The following MID1 variants were observed in gnomAD, a reference collection of about 807,000 sequenced individuals.
The protein encoded by MID1 is E3 ubiquitin-protein ligase Midline-1.
MID1 carries 7 observed loss-of-function variants against 40.4 expected under a neutral mutation model. The ratio of observed to expected loss-of-function variants is 0.17; its 90% confidence interval spans 0.10 to 0.33. The LOEUF (loss-of-function observed/expected upper bound fraction) is 0.33. Among genes scored for constraint, MID1 ranks in the 10% least tolerant of loss-of-function variants. The pLI, the probability that MID1 is intolerant of heterozygous loss-of-function variation, is 1.00. For missense variants in MID1, 367 were observed against 558.5 expected, an observed-to-expected ratio of 0.66 and a Z score of 3.46; for synonymous variants, 229 against 221.2, an observed-to-expected ratio of 1.04 and a Z score of -0.31.
chrX:10,750,249 G>A (rs1380425909), intron 1 of MID1, among the ~76,000 whole-genome samples: 2 of 111,222 alleles, frequency 1.8e-5, no homozygotes, highest in Non-Finnish European at 1.9e-5. Flanking sequence ...TCTCTAATGT[G>A]AGCTTAGAAA....
At chrX:10,668,274 T>C in intron 1 of MID1, among the ~76,000 whole-genome samples, 1 of 112,324 alleles carries the variant, frequency 8.9e-6, no homozygotes. Flanking sequence ...ATAAAATAAA[T>C]TATTCATGTC....
At position 10,680,378 on chromosome X, in the gene MID1, T is replaced by C. The variant is rs764903301; in HGVS notation, c.-186-59959A>G. The stretch of plus-strand genomic sequence containing the variant: ...ATCTGGGGATTATATTTGACAAATA[T>C]GGAAGCAGACTTCAGTAAGACTTTC... On this transcript the variant is annotated intron_variant, in intron 1 of 10. Transcript: ENST00000380785. 1.9e-4 allele frequency among the ~76,000 whole-genome samples: 21 copies of C among 112,287 alleles called. No homozygotes were observed. The South Asian group carries it at 3.7e-3, about 20-fold the overall frequency.
intron 2 of MID1, among the ~76,000 whole-genome samples, chrX:10,544,122 C>T (rs1459418326): frequency 8.9e-6 from 1 of 112,039 alleles, no homozygotes; most frequent in Non-Finnish European, 1.9e-5. Context: ...CTGTTCTCCC[C>T]ACACACCATT....
intron 1 of MID1, among the ~76,000 whole-genome samples, chrX:10,802,773 C>A (rs1434464078): frequency 8.9e-6 from 1 of 111,760 alleles, no homozygotes; most frequent in Non-Finnish European, 1.9e-5. Context: ...ATAGTATAAA[C>A]CTAGGTGCCT....
In MID1 at chrX:10,761,591, T is replaced by C. The variant is rs753218692; in HGVS notation, c.-187+71963A>G. On this transcript the variant is annotated intron_variant, in intron 1 of 10. Coordinates refer to the MID1 transcript ENST00000380785. ...TAAACCAAGGCTTCAAGAGGTCTTA[T>C]GTGTTTTCACTTGTTCTCTTTCAAA... 5.3e-5 allele frequency among the ~76,000 whole-genome samples: 6 copies of C among 112,208 alleles called. No individual in the cohort carries two copies. In the South Asian group the frequency reaches 1.9e-3, roughly 35 times the overall value.
intron 1 of MID1, among the ~76,000 whole-genome samples, chrX:10,664,728 CT>C (rs2042938868): frequency 8.9e-6 from 1 of 111,927 alleles, no homozygotes; most frequent in Non-Finnish European, 1.9e-5. Context: ...TAATCCTTTT[CT>C]TAACTTGAGC....
intron 1 of MID1, among the ~76,000 whole-genome samples, chrX:10,822,143 A>G (rs767047821): frequency 2.6e-4 from 29 of 111,840 alleles, no homozygotes; most frequent in Middle Eastern, 4.6e-3. Flanking sequence ...AAAAACAGAC[A>G]CATAGAGCAA....
At chrX:10,592,700 C>A (rs1006726933) in intron 1 of MID1, among the ~76,000 whole-genome samples, 2 of 110,214 alleles carry the variant, frequency 1.8e-5, no homozygotes, top group African/African-American at 3.3e-5. Flanking sequence ...ACGCACCCTA[C>A]CCTACTCATT....
At chrX:10,684,039 G>A (rs1833766815) in intron 1 of MID1, among the ~76,000 whole-genome samples, 1 of 109,854 alleles carries the variant, frequency 9.1e-6, no homozygotes, top group South Asian at 3.9e-4. Context: ...CAAAATGCTG[G>A]GATTACAGGC....
intron 7 of MID1, among the ~76,000 whole-genome samples, chrX:10,465,214 T>TATATATATACACAC (rs1477864693): frequency 1.2e-3 from 48 of 39,896 alleles, no homozygotes; most frequent in Non-Finnish European, 1.3e-3. Context: ...TATATATATA[T>TATATATATACACAC]ACACACACAC....
intron 6 of MID1, among the ~76,000 whole-genome samples, chrX:10,471,641 G>A (rs1929715842): frequency 8.9e-6 from 1 of 112,016 alleles, no homozygotes; most frequent in Admixed American, 9.5e-5. Context: ...TTCCACGGAG[G>A]AGGTCCAGCT....
At chrX:10,515,682 G>A (rs775341131) in intron 3 of MID1, among the ~76,000 whole-genome samples, 2 of 112,086 alleles carry the variant, frequency 1.8e-5, no homozygotes, top group Non-Finnish European at 3.8e-5. Context: ...GGTAAGGACT[G>A]CTGAGCCTTT....
chrX:10,536,084 G>T (rs1933239782), intron 2 of MID1, among the ~76,000 whole-genome samples: 1 of 109,732 alleles, frequency 9.1e-6, no homozygotes, highest in Non-Finnish European at 1.9e-5. Context: ...AATTAGCTGG[G>T]CGTGGTGGCA....
chrX:10,718,897 G>A (rs1489755805), intron 1 of MID1, among the ~76,000 whole-genome samples: 8 of 111,670 alleles, frequency 7.2e-5, no homozygotes, highest in Admixed American at 2.8e-4. Flanking sequence ...TTCAACATAC[G>A]CAAATCAATA....
chrX:10,729,630 C>T (rs1323947775), intron 1 of MID1, among the ~76,000 whole-genome samples: 2 of 112,038 alleles, frequency 1.8e-5, no homozygotes, highest in Non-Finnish European at 3.8e-5. Flanking sequence ...TTCTAAACCA[C>T]TCAACTGGTC....
intron 1 of MID1, among the ~76,000 whole-genome samples, chrX:10,651,692 A>G (rs1237898831): frequency 8.9e-6 from 1 of 112,185 alleles, no homozygotes; most frequent in Non-Finnish European, 1.9e-5. Context: ...TTGGCACGAT[A>G]ATGGCTCACT....
At chrX:10,548,695 T>C (rs1223317007) in intron 2 of MID1, among the ~76,000 whole-genome samples, 1 of 111,881 alleles carries the variant, frequency 8.9e-6, no homozygotes, top group Non-Finnish European at 1.9e-5. Context: ...AGAAAGGCTA[T>C]ACAAACAGTG....
intron 1 of MID1, among the ~76,000 whole-genome samples, chrX:10,707,517 G>T (rs2043239439): frequency 8.9e-6 from 1 of 111,919 alleles, no homozygotes; most frequent in Non-Finnish European, 1.9e-5. Context: ...TTGCCAAAAA[G>T]CCATACCTTA....
At chrX:10,623,139 T>G, upstream of MID1, among the ~76,000 whole-genome samples, 1 of 98,479 alleles carries the variant, frequency 1.0e-5, no homozygotes, top group Non-Finnish European at 2.0e-5. Flanking sequence ...TAGTCTCAGG[T>G]ACTTGGGGAG....
Sources: gnomAD v4.1 joint callset for allele counts (sites outside exome capture counted in the v4.1 genomes callset) on GRCh38, gnomAD v4.1.1 for gene constraint, MANE v1.5 for transcripts, NCBI Gene and HGNC (gene_info 2026-07-23, HGNC 2026-07-21) for gene names.